Variants in CYFIP2 observed in about 807,000 individuals in gnomAD.
CYFIP2 encodes the protein cytoplasmic FMR1 interacting protein 2, also known as cytoplasmic FMR1-interacting protein 2.
A neutral mutation model predicts 158.7 loss-of-function variants in CYFIP2; 29 were observed. That is an observed-to-expected ratio of 0.18 (90% CI 0.14 to 0.25). The LOEUF (loss-of-function observed/expected upper bound fraction) is 0.25. Among genes scored for constraint, CYFIP2 ranks in the 10% least tolerant of loss-of-function variants. The pLI is 1.00. For missense variants in CYFIP2, 852 were observed against 1,639.5 expected (o/e 0.52, Z 8.29); for synonymous variants, 585 against 617.6 (o/e 0.95, Z 0.78).
At chr5:157,309,599 A>G (rs1759534076) in intron 9 of CYFIP2, 144 bp from the exon 10 acceptor site, 1 of 689,852 alleles carries the variant, frequency 1.4e-6, no homozygotes, top group Admixed American at 2.6e-5. Context: ...CTTCAGAGTC[A>G]CATGGTAGCG....
chr5:157,295,858 G>C (rs903182860), intron 4 of CYFIP2, among the ~76,000 whole-genome samples: 1 of 152,216 alleles, frequency 6.6e-6, no homozygotes, highest in African/African-American at 2.4e-5. Flanking sequence ...AGCAGCCTTG[G>C]CGTGTGCGTT....
chr5:157,285,239 A>G, intron 1 of CYFIP2, 100 bp from the exon 2 acceptor site: 1 of 775,904 alleles, frequency 1.3e-6, no homozygotes. Flanking sequence ...ATGCATTTTA[A>G]CTCTCTTTAT....
chr5:157,306,858 G>C (rs1420476792), intron 8 of CYFIP2, among the ~76,000 whole-genome samples: 2 of 151,738 alleles, frequency 1.3e-5, no homozygotes, highest in African/African-American at 4.8e-5. Context: ...CTCCAGCCCG[G>C]GTGGGGTGGG....
chr5:157,312,065 T>C (rs886281945), intron 11 of CYFIP2, among the ~76,000 whole-genome samples: 1 of 152,174 alleles, frequency 6.6e-6, no homozygotes, highest in Non-Finnish European at 1.5e-5. Flanking sequence ...ATTGAGAGGA[T>C]TAAAAGATAT....
intron 13 of CYFIP2, 103 bp downstream of exon 13, chr5:157,315,197 T>TCG (rs1439854200): frequency 6.8e-7 from 1 of 1,471,224 alleles, no homozygotes; most frequent in Non-Finnish European, 9.1e-7. Flanking sequence ...GCCCTAATTT[T>TCG]CGTGCTCTTC....
chr5:157,285,253 C>T, intron 1 of CYFIP2, 86 bp from the exon 2 acceptor site: 1 of 882,382 alleles, frequency 1.1e-6, no homozygotes. Context: ...TCTTTATTCT[C>T]CCAAAGGATG....
At position 157,311,757 on chromosome 5, in the gene CYFIP2, G is replaced by A. The variant is rs1226359048; in HGVS notation, c.1086G>A (p.Glu362=). The A allele has an allele frequency of 6.2e-7, 1 of 1,600,632 alleles. No individual in the cohort carries two copies. Among genetic ancestry groups the A allele is most frequent in the South Asian group, 1.1e-5 (1 of 88,464 alleles). The stretch of plus-strand genomic sequence containing the variant: ...ATGACCACATCCGCTTCATCTCCGA[G>A]CTCGCTCGCTACAGCAACAGTGAGG... ...IRDDHIRFIS[E]LARYSNSEVV... The change falls in exon 11 of 31, where the codon GAG becomes GAA. Residue 362 remains glutamate (E), a synonymous_variant. Coordinates refer to ENST00000620254, the MANE Select transcript of CYFIP2 (RefSeq NM_001037333.3). The surrounding 1 kb of genome is among the most constrained non-coding windows in gnomAD (Gnocchi z 4.7).
At chr5:157,343,349 A>C (rs1404027589) in intron 23 of CYFIP2, 1 of 1,614,224 alleles carries the variant, frequency 6.2e-7, no homozygotes, top group Non-Finnish European at 8.5e-7. Flanking sequence ...AAGATGTTCC[A>C]GCACCACGGA....
chr5:157,310,983 A>G, intron 10 of CYFIP2: 1 of 455,674 alleles, frequency 2.2e-6, no homozygotes, highest in Non-Finnish European at 4.4e-6. Context: ...TCATTCATTC[A>G]TTTCCTCTCT....
At position 157,393,125 on chromosome 5, in the gene CYFIP2, C is replaced by G; in HGVS notation, c.*125C>G. 2.8e-6 allele frequency: 3 copies of G among 1,067,058 alleles called. No homozygotes were observed. Among genetic ancestry groups the G allele is most frequent in the Non-Finnish European group, 4.0e-6 (3 of 751,958 alleles). The allele number at this position is 1,067,058 out of a possible 1,614,324, so 66.1% of individuals were successfully genotyped here. On this transcript the variant is annotated 3_prime_UTR_variant, in exon 31 of 31. Coordinates refer to ENST00000620254, the MANE Select transcript of CYFIP2 (RefSeq NM_001037333.3). ...ATGGACCTGGAAACAAGCACCTCCC[C>G]AAACACATCACCACTCCCTAGGGCG...
chr5:157,383,601 T>C, intron 28 of CYFIP2: 1 of 411,954 alleles, frequency 2.4e-6, no homozygotes, highest in Admixed American at 3.6e-5. Flanking sequence ...GTCGTCTGCT[T>C]ATTTAAACAA....
intron 8 of CYFIP2, among the ~76,000 whole-genome samples, chr5:157,304,956 C>T (rs1411515524): frequency 6.6e-6 from 1 of 152,120 alleles, no homozygotes; most frequent in Non-Finnish European, 1.5e-5. Flanking sequence ...CATTCTTATG[C>T]CTGGGCACCC....
chr5:157,327,330 C>T (rs1383610985), intron 18 of CYFIP2, among the ~76,000 whole-genome samples: 1 of 152,126 alleles, frequency 6.6e-6, no homozygotes, highest in East Asian at 1.9e-4. Flanking sequence ...TTTGGGAGGC[C>T]AAGGTGGGTG....
At position 157,382,579 on chromosome 5, in the gene CYFIP2, C is replaced by G. The variant is rs748236385; in HGVS notation, c.3040-11C>G. 1 of 1,613,704 alleles carries G rather than the reference C, an allele frequency of 6.2e-7. No homozygotes were observed. Among genetic ancestry groups the G allele is most frequent in the Admixed American group, 1.7e-5 (1 of 59,994 alleles). On this transcript the variant is annotated splice_polypyrimidine_tract_variant and intron_variant, in intron 26 of 30. Transcript: ENST00000620254. ...AAATTGTTTTCTCTTTCTTTACCCC[C>G]ATCTCTGCAGTCTCAGGAGGAGGTC...
chr5:157,327,049 AGCTACTG>A (rs1253509385), intron 18 of CYFIP2, among the ~76,000 whole-genome samples: 1 of 152,194 alleles, frequency 6.6e-6, no homozygotes, highest in African/African-American at 2.4e-5. Flanking sequence ...ACTCTTACCT[AGCTACTG>A]CCTTTGCCCC....
At chr5:157,378,752 G>A (rs1040210751) in intron 26 of CYFIP2, among the ~76,000 whole-genome samples, 1 of 152,138 alleles carries the variant, frequency 6.6e-6, no homozygotes, top group East Asian at 1.9e-4. Context: ...TAAAGCAGGC[G>A]ACTGACAGAA....
chr5:157,310,501 C>T (rs1759620556), intron 10 of CYFIP2, among the ~76,000 whole-genome samples: 1 of 152,240 alleles, frequency 6.6e-6, no homozygotes, highest in Non-Finnish European at 1.5e-5. Flanking sequence ...TGTCCTTGAA[C>T]TGCATCCGCC....
chr5:157,383,505 T>G, intron 28 of CYFIP2, 146 bp downstream of exon 28: 3 of 636,810 alleles, frequency 4.7e-6, no homozygotes, highest in Admixed American at 2.7e-5. Flanking sequence ...TTAATATTAA[T>G]AGCAACAGCA....
At chr5:157,379,596 A>G (rs1765836208) in intron 26 of CYFIP2, among the ~76,000 whole-genome samples, 1 of 146,170 alleles carries the variant, frequency 6.8e-6, no homozygotes. Flanking sequence ...ACCTAAACCC[A>G]GAAGGTCAAG....
Sources: gnomAD v4.1 joint callset for allele counts (sites outside exome capture counted in the v4.1 genomes callset) on GRCh38, gnomAD v4.1.1 for gene constraint, Gnocchi (gnomAD v3.1) non-coding constraint, MANE v1.5 for transcripts, NCBI Gene and HGNC (gene_info 2026-07-23, HGNC 2026-07-21) for gene names.